DOCK2: variants seen among roughly 807,000 people sequenced by gnomAD.
DOCK2 encodes dedicator of cytokinesis 2.
A neutral mutation model predicts 248.9 loss-of-function variants in DOCK2; 87 were observed. The observed-to-expected ratio is 0.35, with a 90% CI of 0.29 to 0.42. The LOEUF is 0.42. Ranked by LOEUF, DOCK2 falls within the 10% of genes least tolerant of loss-of-function variation. The pLI is 1.00. For missense variants in DOCK2, 1,747 were observed against 2,300.2 expected (o/e 0.76, Z 4.92); for synonymous variants, 805 against 821.6 (o/e 0.98, Z 0.35).
chr5:169,883,465 G>A, intron 27 of DOCK2: 1 of 1,551,676 alleles, frequency 6.4e-7, no homozygotes, highest in Non-Finnish European at 8.7e-7. Context: ...AAGGTCAGAA[G>A]ACACAATGTC....
intron 29 of DOCK2, among the ~76,000 whole-genome samples, chr5:169,987,435 CT>C (rs1778095733): frequency 6.6e-6 from 1 of 152,204 alleles, no homozygotes; most frequent in Admixed American, 6.5e-5. Flanking sequence ...GAGAGTAGTT[CT>C]TCAAAGGAAA....
At chr5:170,038,272 G>T (rs77226669) in intron 36 of DOCK2, among the ~76,000 whole-genome samples, 1 of 152,040 alleles carries the variant, frequency 6.6e-6, no homozygotes, top group Admixed American at 6.6e-5. Context: ...CTCCAACCTT[G>T]TTTCTCCCCT....
chr5:169,814,558 C>T (rs911862146), intron 26 of DOCK2, among the ~76,000 whole-genome samples: 36 of 152,094 alleles, frequency 2.4e-4, no homozygotes, highest in Admixed American at 1.4e-3. Context: ...ATGTGAATTT[C>T]CTGGTTTGAT....
chr5:169,957,989 A>T (rs773447107), intron 27 of DOCK2, among the ~76,000 whole-genome samples: 1 of 152,182 alleles, frequency 6.6e-6, no homozygotes, highest in Non-Finnish European at 1.5e-5. Context: ...GCTCACCTTG[A>T]CTGAGATGCT....
intron 22 of DOCK2, among the ~76,000 whole-genome samples, chr5:169,745,239 A>G (rs1763544054): frequency 6.6e-6 from 1 of 152,228 alleles, no homozygotes; most frequent in Admixed American, 6.5e-5. Flanking sequence ...AGCCAGGTCA[A>G]GGACAGGGTA....
chr5:169,710,506 T>C (rs1006723226), intron 15 of DOCK2, among the ~76,000 whole-genome samples: 5 of 152,234 alleles, frequency 3.3e-5, no homozygotes, highest in Non-Finnish European at 7.3e-5. Flanking sequence ...CTACAAATAT[T>C]ACATTACCAG....
At chr5:169,933,529 C>T (rs186751117) in intron 27 of DOCK2, among the ~76,000 whole-genome samples, 9 of 152,354 alleles carry the variant, frequency 5.9e-5, no homozygotes, top group African/African-American at 2.2e-4. Context: ...AATATTGATA[C>T]TGCATTCACC....
intron 25 of DOCK2, among the ~76,000 whole-genome samples, chr5:169,780,018 G>A (rs898285271): frequency 1.3e-5 from 2 of 152,202 alleles, no homozygotes; most frequent in African/African-American, 4.8e-5. Context: ...CCTTGCCAAG[G>A]TGAGCATTAT....
intron 27 of DOCK2, among the ~76,000 whole-genome samples, chr5:169,849,898 C>G (rs2113368247): frequency 6.6e-6 from 1 of 152,326 alleles, no homozygotes. Flanking sequence ...TACGGTTGTC[C>G]TTGGCCTGCA....
chr5:169,978,285 C>T (rs948510032), intron 27 of DOCK2, among the ~76,000 whole-genome samples: 1 of 148,780 alleles, frequency 6.7e-6, no homozygotes, highest in African/African-American at 2.5e-5. Context: ...TGCCCCTCGC[C>T]CCTATTTTGT....
intron 25 of DOCK2, among the ~76,000 whole-genome samples, chr5:169,786,226 C>T (rs1216721534): frequency 6.6e-6 from 1 of 152,130 alleles, no homozygotes; most frequent in African/African-American, 2.4e-5. Context: ...ATCACTCACT[C>T]TTCTTTGGCT....
At chr5:169,648,820 GTTC>G (rs1388075221) in intron 1 of DOCK2, among the ~76,000 whole-genome samples, 12 of 152,222 alleles carry the variant, frequency 7.9e-5, no homozygotes, top group African/African-American at 2.4e-4. Context: ...GAGGTTAGCT[GTTC>G]TTCTGCTCTC....
intron 27 of DOCK2, among the ~76,000 whole-genome samples, chr5:169,942,080 T>C (rs2113707279): frequency 6.6e-6 from 1 of 152,218 alleles, no homozygotes; most frequent in East Asian, 1.9e-4. Flanking sequence ...TGTGGGCCTG[T>C]CTCTAATTTC....
chr5:169,802,918 C>G, intron 25 of DOCK2, 140 bp from the exon 26 acceptor site: 1 of 1,113,032 alleles, frequency 9.0e-7, no homozygotes, highest in Non-Finnish European at 1.2e-6. Context: ...AAATCTTAAC[C>G]TAATCTTTAA....
chr5:169,717,556 A>G, intron 21 of DOCK2, 72 bp downstream of exon 21: 3 of 1,382,972 alleles, frequency 2.2e-6, no homozygotes, highest in Middle Eastern at 1.8e-4. Flanking sequence ...AGGGCACAGG[A>G]ACTTGAGTAA....
chr5:169,698,585 A>G, intron 11 of DOCK2, 136 bp downstream of exon 11: 2 of 878,792 alleles, frequency 2.3e-6, no homozygotes, highest in Non-Finnish European at 3.6e-6. Flanking sequence ...TCAGGGTGAG[A>G]ATCACTGGCT....
intron 44 of DOCK2, among the ~76,000 whole-genome samples, chr5:170,066,548 C>T (rs1000132574): frequency 4.6e-5 from 7 of 152,090 alleles, no homozygotes; most frequent in African/African-American, 1.7e-4. Context: ...CGTAATGGAC[C>T]TAACAGACAT....
At chr5:169,639,704 T>C (rs535363803) in intron 1 of DOCK2, among the ~76,000 whole-genome samples, 3 of 152,204 alleles carry the variant, frequency 2.0e-5, no homozygotes, top group Non-Finnish European at 4.4e-5. Flanking sequence ...TTACATCCTA[T>C]TGGCAAAAAT....
intron 1 of DOCK2, among the ~76,000 whole-genome samples, chr5:169,637,756 C>T (rs575440447): frequency 6.6e-6 from 1 of 152,166 alleles, no homozygotes; most frequent in Non-Finnish European, 1.5e-5. Context: ...CCTTGGCCTG[C>T]CCACCATGCA....
Sources: allele counts gnomAD v4.1 joint callset (sites outside exome capture counted in the v4.1 genomes callset), GRCh38; gene constraint gnomAD v4.1.1; transcripts MANE v1.5; gene names NCBI Gene and HGNC (gene_info 2026-07-23, HGNC 2026-07-21).